OSBPL10: variants seen among roughly 807,000 people sequenced by gnomAD.
OSBPL10 encodes oxysterol-binding protein-related protein 10.
In OSBPL10, 49 loss-of-function variants were observed where a neutral mutation model predicts 81.7. That is an observed-to-expected ratio of 0.60 (90% CI 0.48 to 0.76). OSBPL10 has a LOEUF of 0.76. OSBPL10 is among the 30% of genes least tolerant of loss of function. The pLI, the probability that OSBPL10 is intolerant of heterozygous loss-of-function variation, is 0.00. For missense variants in OSBPL10, 923 were observed against 987.8 expected (o/e 0.93, Z 0.88); for synonymous variants, 419 against 383.6 (o/e 1.09, Z -1.08).
intron 1 of OSBPL10, among the ~76,000 whole-genome samples, chr3:31,911,940 C>G (rs1696591806): frequency 6.6e-6 from 1 of 152,042 alleles, no homozygotes; most frequent in Non-Finnish European, 1.5e-5. Flanking sequence ...GAAATTTCCC[C>G]TAATCCTCCA....
intron 4 of OSBPL10, among the ~76,000 whole-genome samples, chr3:31,819,337 T>A (rs1386261952): frequency 1.3e-5 from 2 of 152,270 alleles, no homozygotes; most frequent in African/African-American, 4.8e-5. Context: ...TACTTTGTGC[T>A]ACACTCTGCC....
At chr3:31,751,522 T>C (rs1249738632) in intron 4 of OSBPL10, among the ~76,000 whole-genome samples, 1 of 152,212 alleles carries the variant, frequency 6.6e-6, no homozygotes, top group Non-Finnish European at 1.5e-5. Flanking sequence ...ACTACGGCAC[T>C]GAAAGCATAG....
At chr3:31,692,235 T>C (rs1695579513) in intron 7 of OSBPL10, among the ~76,000 whole-genome samples, 1 of 152,112 alleles carries the variant, frequency 6.6e-6, no homozygotes, top group African/African-American at 2.4e-5. Context: ...ACGTGGCAAA[T>C]TCATCTCCCC....
Position 32,042,560 on chromosome 3 carries a change from G to T in OSBPL10, n.298+3931C>A, listed in dbSNP as rs143689873. Among the ~76,000 whole-genome samples the T allele has an allele frequency of 2.9e-3, 443 of 152,142 alleles. 2 individuals are homozygous for T. The highest frequency in any genetic ancestry group is 9.5e-3 in the African/African-American group (393 of 41,484). On this transcript the variant is annotated intron_variant and non_coding_transcript_variant, in intron 2 of 3. Transcript: ENST00000479173. Reference sequence around the variant, plus strand: ...ATGCTCTATCATATTGGGGGAACCTGCCCCCAATATTTCAATGTAGGTTCT... The same window carrying T: ...ATGCTCTATCATATTGGGGGAACCTTCCCCCAATATTTCAATGTAGGTTCT...
intron 2 of OSBPL10, among the ~76,000 whole-genome samples, chr3:32,036,270 A>C (rs1699517939): frequency 6.6e-6 from 1 of 152,012 alleles, no homozygotes; most frequent in African/African-American, 2.4e-5. Context: ...CTGGTCTCAA[A>C]CCTCTGGCCT....
intron 3 of OSBPL10, among the ~76,000 whole-genome samples, chr3:31,847,908 G>C (rs1700672056): frequency 6.6e-6 from 1 of 152,080 alleles, no homozygotes; most frequent in Admixed American, 6.6e-5. Flanking sequence ...ACACACAGCG[G>C]GGCTGCCTGT....
chr3:31,887,285 A>C (rs985693302), intron 1 of OSBPL10, among the ~76,000 whole-genome samples: 1 of 152,230 alleles, frequency 6.6e-6, no homozygotes, highest in African/African-American at 2.4e-5. Context: ...AAACTCAGGA[A>C]AAGTCAGCAA....
intron 2 of OSBPL10, among the ~76,000 whole-genome samples, chr3:31,988,447 G>A (rs1430476379): frequency 6.6e-6 from 1 of 152,190 alleles, no homozygotes; most frequent in Non-Finnish European, 1.5e-5. Flanking sequence ...TGATTTCAAA[G>A]CTATGCCTAT....
intron 4 of OSBPL10, among the ~76,000 whole-genome samples, chr3:31,779,831 T>A (rs867327181): frequency 6.6e-6 from 1 of 152,040 alleles, no homozygotes; most frequent in Non-Finnish European, 1.5e-5. Flanking sequence ...TTTAAGAAAA[T>A]CTAAATTATA....
chr3:31,693,180 T>G (rs921820608), intron 7 of OSBPL10, among the ~76,000 whole-genome samples: 3 of 152,084 alleles, frequency 2.0e-5, no homozygotes, highest in African/African-American at 7.2e-5. Flanking sequence ...ACCCCTGAGG[T>G]CCATATCTCT....
intron 6 of OSBPL10, chr3:31,718,716 T>C (rs566382220): frequency 2.6e-4 from 39 of 152,334 alleles, no homozygotes; most frequent in African/African-American, 8.4e-4. Context: ...TTTTAAAAAC[T>C]TTTCTGTCAT....
At chr3:31,983,645 G>A (rs1047074790), upstream of OSBPL10, among the ~76,000 whole-genome samples, 1 of 152,188 alleles carries the variant, frequency 6.6e-6, no homozygotes, top group African/African-American at 2.4e-5. Flanking sequence ...TCCTGCTGGT[G>A]ACACTGTTCC....
chr3:31,818,807 C>T (rs912792408), intron 4 of OSBPL10, among the ~76,000 whole-genome samples: 29 of 152,116 alleles, frequency 1.9e-4, no homozygotes, highest in African/African-American at 5.8e-4. Context: ...CAGCTGGTCT[C>T]ATCACCTTTG....
chr3:32,060,731 G>A lies in OSBPL10; in HGVS notation n.186-14128C>T, dbSNP rs1192916338. ...AGTACTTTGGGAGGCCGAGCTGGGT[G>A]GATCACCTGAGGTCGGGAGTTCGCA... On this transcript the variant is annotated intron_variant and non_coding_transcript_variant, in intron 1 of 3. Coordinates refer to the OSBPL10 transcript ENST00000479173. 3.3e-5 allele frequency among the ~76,000 whole-genome samples: 3 copies of A among 90,716 alleles called. 1 individual carries two copies. Among genetic ancestry groups the A allele is most frequent in the Non-Finnish European group, 2.9e-5 (1 of 34,022 alleles). 59.5% of individuals were successfully genotyped at this position (90,716 alleles called of 152,430 possible). A position where few individuals can be genotyped will look rare whatever the true frequency, so the allele number is the denominator to read the frequency against.
chr3:31,995,883 G>A (rs1699086439), intron 2 of OSBPL10, among the ~76,000 whole-genome samples: 1 of 152,176 alleles, frequency 6.6e-6, no homozygotes, highest in Non-Finnish European at 1.5e-5. Context: ...TCAATGCAGT[G>A]CAAAGCCGCT....
chr3:31,698,831 A>C (rs1695806565), intron 7 of OSBPL10, among the ~76,000 whole-genome samples: 1 of 152,194 alleles, frequency 6.6e-6, no homozygotes, highest in Non-Finnish European at 1.5e-5. Flanking sequence ...CCCCCGTCCC[A>C]CCACTAGCTA....
chr3:32,028,070 AACACTTC>A (rs1699433322), intron 2 of OSBPL10, among the ~76,000 whole-genome samples: 1 of 152,204 alleles, frequency 6.6e-6, no homozygotes, highest in Admixed American at 6.5e-5. Flanking sequence ...TGATGGCCCT[AACACTTC>A]ATTGAGTCCT....
chr3:31,673,395 T>C (rs1700375299), intron 8 of OSBPL10, among the ~76,000 whole-genome samples: 1 of 152,238 alleles, frequency 6.6e-6, no homozygotes, highest in Non-Finnish European at 1.5e-5. Context: ...TACTTGGTTC[T>C]TCTTGATCAA....
At chr3:31,765,514 G>T (rs11715224) in intron 4 of OSBPL10, among the ~76,000 whole-genome samples, 271 of 151,476 alleles carry the variant, frequency 1.8e-3, no homozygotes, top group African/African-American at 6.3e-3. Context: ...ATGAATGAAT[G>T]AATGAATATA....
Sources: gnomAD v4.1 joint callset for allele counts (sites outside exome capture counted in the v4.1 genomes callset) on GRCh38, gnomAD v4.1.1 for gene constraint, MANE v1.5 for transcripts, NCBI Gene and HGNC (gene_info 2026-07-23, HGNC 2026-07-21) for gene names.